CCDC93: variants seen among roughly 807,000 people sequenced by gnomAD.
CCDC93 encodes CCC complex scaffolding subunit CCDC93, also known as coiled-coil domain-containing protein 93.
A neutral mutation model predicts 108.2 loss-of-function variants in CCDC93; 61 were observed. The ratio of observed to expected loss-of-function variants is 0.56; its 90% CI spans 0.46 to 0.70. CCDC93 has a LOEUF of 0.70. Ranked by LOEUF, CCDC93 falls within the 30% of genes least tolerant of loss-of-function variation. The probability of loss-of-function intolerance (pLI) is 0.00; values close to 1 mark genes in which losing one functional copy is unlikely to be tolerated. For synonymous variants in CCDC93, 276 were observed against 260.4 expected (o/e 1.06, Z -0.58); for missense variants, 685 against 764.2 (o/e 0.90, Z 1.22).
rs534708957 is a variant in CCDC93 at position 117,952,246 on chromosome 2, G to A, written c.1068+127C>T. Reference sequence around the variant, plus strand: ...ACTGTCCTATGTCCTCAAAATGACTGCAGCCTCTGAGAACAGGATCGTGTC... The same window carrying A: ...ACTGTCCTATGTCCTCAAAATGACTACAGCCTCTGAGAACAGGATCGTGTC... On this transcript the variant is annotated intron_variant, in intron 13 of 23. Coordinates refer to ENST00000376300, the MANE Select transcript of CCDC93 (RefSeq NM_019044.5). The A allele has an allele frequency of 3.7e-5, 27 of 726,862 alleles. No individual in the cohort carries two copies. In the Admixed American group the frequency reaches 4.9e-4, roughly 13 times the overall value. 45.0% of individuals were successfully genotyped at this position (726,862 alleles called of 1,614,324 possible).
intron 3 of CCDC93, among the ~76,000 whole-genome samples, chr2:118,002,900 T>C (rs942602333): frequency 6.6e-5 from 10 of 152,164 alleles, no homozygotes; most frequent in African/African-American, 2.4e-4. Flanking sequence ...TAGCCAGGCA[T>C]AATGGTGCAT....
At position 117,995,513 on chromosome 2, in the gene CCDC93, A is replaced by G. The variant is rs1403541506; in HGVS notation, c.463-11T>C. On this transcript the variant is annotated splice_polypyrimidine_tract_variant and intron_variant, in intron 5 of 23. Coordinates refer to ENST00000376300, the MANE Select transcript of CCDC93 (RefSeq NM_019044.5). ...TATGAAGTCATCATCCTACAAGACA[A>G]AACAGAGCGATTAAACAAATCCCAA... 6.2e-7 allele frequency: 1 copy of G among 1,609,714 alleles called. No individual in the cohort carries two copies. Among genetic ancestry groups the G allele is most frequent in the Non-Finnish European group, 8.5e-7 (1 of 1,176,064 alleles).
intron 6 of CCDC93, 148 bp downstream of exon 6, chr2:117,995,298 G>A (rs541830016): frequency 1.0e-5 from 7 of 695,136 alleles, no homozygotes; most frequent in South Asian, 5.2e-5. Context: ...AGTAAAGCAG[G>A]CGGGGCTTCC....
intron 23 of CCDC93, among the ~76,000 whole-genome samples, chr2:117,929,757 C>A (rs985257886): frequency 6.6e-6 from 1 of 152,188 alleles, no homozygotes; most frequent in Non-Finnish European, 1.5e-5. Context: ...CTGTGCTAGC[C>A]TCAAAGGAGT....
chr2:117,942,385 T>C (rs1219277882), intron 18 of CCDC93, among the ~76,000 whole-genome samples: 1 of 152,164 alleles, frequency 6.6e-6, no homozygotes, highest in Admixed American at 6.5e-5. Context: ...AAGAGAAATG[T>C]ACTGAGAGCC....
At chr2:117,924,173 T>C (rs966067601) in intron 23 of CCDC93, among the ~76,000 whole-genome samples, 2 of 152,020 alleles carry the variant, frequency 1.3e-5, no homozygotes, top group Non-Finnish European at 2.9e-5. Context: ...ACCACAAAGA[T>C]GGGGAAAAAC....
At position 117,996,125 on chromosome 2, in the gene CCDC93, TATGTAAAGAAGCACTA is replaced by T. The variant is rs1464673416; in HGVS notation, c.462+123_462+138del. The T allele has an allele frequency of 5.6e-6, 3 of 531,360 alleles. No individual in the cohort carries two copies. The African/African-American group carries it at 5.7e-5, about 10-fold the overall frequency. The allele number at this position is 531,360 out of a possible 1,614,324, so 32.9% of individuals were successfully genotyped here. ...ATTATAGAGCTTTGCACTCAGTGGC[TATGTAAAGAAGCACTA>T]ATGATGCCAAGTGGGGCTGAGAATG... On this transcript the variant is annotated intron_variant, in intron 5 of 23. Coordinates refer to ENST00000376300, the MANE Select transcript of CCDC93 (RefSeq NM_019044.5).
At position 117,916,134 on chromosome 2, in the gene CCDC93, G is replaced by C. The variant is rs1481144843; in HGVS notation, c.*4209C>G. The C allele has an allele frequency of 6.6e-6, 1 of 152,074 alleles. No homozygotes were observed. Among genetic ancestry groups the C allele is most frequent in the African/African-American group, 2.4e-5 (1 of 41,394 alleles). 9.4% of individuals were successfully genotyped at this position (152,074 alleles called of 1,614,324 possible). A position where few individuals can be genotyped will look rare whatever the true frequency, so the allele number is the denominator to read the frequency against. On this transcript the variant is annotated 3_prime_UTR_variant, in exon 24 of 24. Coordinates refer to ENST00000376300, the MANE Select transcript of CCDC93 (RefSeq NM_019044.5). ...ACCGTCCAGCTGTCCCCCATGGAGT[G>C]CCTACATGTCACACTCCTGCCACCA...
chr2:117,952,353 A>T lies in CCDC93; in HGVS notation c.1068+20T>A, dbSNP rs759279836. 1.9e-6 allele frequency: 3 copies of T among 1,552,314 alleles called. No homozygotes were observed. In the Admixed American group the frequency reaches 5.0e-5, roughly 26 times the overall value. On this transcript the variant is annotated intron_variant, in intron 13 of 23. Coordinates refer to ENST00000376300, the MANE Select transcript of CCDC93 (RefSeq NM_019044.5). ...ATTCTTGACAAGGGCCCACAGAAGA[A>T]GGAGAATCTATCTGCTCACCTCTGT... is the stretch of plus-strand genomic sequence containing the variant.
intron 12 of CCDC93, among the ~76,000 whole-genome samples, chr2:117,953,260 A>C (rs947714054): frequency 1.3e-5 from 2 of 152,196 alleles, no homozygotes; most frequent in Non-Finnish European, 2.9e-5. Flanking sequence ...GCTTATTAAG[A>C]GTTATGTCAC....
At chr2:117,958,724 C>T (rs569425265) in intron 11 of CCDC93, among the ~76,000 whole-genome samples, 7 of 152,242 alleles carry the variant, frequency 4.6e-5, no homozygotes, top group Non-Finnish European at 1.0e-4. Flanking sequence ...AGTACAGGGA[C>T]ATAACTGTGG....
intron 11 of CCDC93, among the ~76,000 whole-genome samples, chr2:117,970,371 A>G (rs576217613): frequency 6.6e-6 from 1 of 152,340 alleles, no homozygotes; most frequent in East Asian, 1.9e-4. Context: ...AGAATTAAAC[A>G]TAATTAATAA....
chr2:117,945,545 G>A lies in CCDC93; in HGVS notation c.1334C>T (p.Ser445Phe), dbSNP rs774112868. 17 of 1,613,864 alleles carry A rather than the reference G, an allele frequency of 1.1e-5. No individual in the cohort carries two copies. The highest frequency in any genetic ancestry group is 1.4e-5 in the Non-Finnish European group (17 of 1,179,904). ...SSGEPPGTLTSAMTHDEDLDR... is the reference protein window; with the variant it reads ...SSGEPPGTLTFAMTHDEDLDR... Reference sequence around the variant, plus strand: ...GGTACTTACGTCATGAGTCATTGCAGAGGTCAAGGTACCAGGCGGCTCTCC... The same window carrying A: ...GGTACTTACGTCATGAGTCATTGCAAAGGTCAAGGTACCAGGCGGCTCTCC... Residue 445 changes from serine to phenylalanine, a missense_variant, in exon 17 of 24, where the codon TCT becomes TTT. Ser to Phe is a radical substitution (Grantham distance 155). Coordinates refer to ENST00000376300, the MANE Select transcript of CCDC93 (RefSeq NM_019044.5).
chr2:118,004,241 G>C (rs1325909752), intron 3 of CCDC93, among the ~76,000 whole-genome samples: 1 of 152,180 alleles, frequency 6.6e-6, no homozygotes, highest in Non-Finnish European at 1.5e-5. Flanking sequence ...CAAGTGCTTG[G>C]AACACAGATG....
At chr2:117,985,146 C>CAAAA (rs11299175) in intron 7 of CCDC93, among the ~76,000 whole-genome samples, 4 of 141,066 alleles carry the variant, frequency 2.8e-5, no homozygotes, top group East Asian at 2.1e-4. Flanking sequence ...CAAAACAAAA[C>CAAAA]AAAAAAAAAA....
chr2:117,977,337 C>T (rs928953726), intron 8 of CCDC93, among the ~76,000 whole-genome samples: 3 of 152,130 alleles, frequency 2.0e-5, no homozygotes, highest in Non-Finnish European at 4.4e-5. Context: ...CCTCTCTGAG[C>T]GTTAGCTTTC....
chr2:117,944,927 A>T, intron 17 of CCDC93: 1 of 408,606 alleles, frequency 2.4e-6, no homozygotes, highest in Non-Finnish European at 5.0e-6. Flanking sequence ...GAATGCGGAG[A>T]GCACTGGTTT....
chr2:117,996,416 T>G, intron 4 of CCDC93, 54 bp from the exon 5 acceptor site: 1 of 1,249,194 alleles, frequency 8.0e-7, no homozygotes. Flanking sequence ...CCCACTGAAG[T>G]GAAGGCCAGT....
chr2:117,949,758 C>A (rs1008024654), intron 13 of CCDC93: 1 of 984,894 alleles, frequency 1.0e-6, no homozygotes, highest in Non-Finnish European at 1.2e-6. Flanking sequence ...AAATAGTAGA[C>A]TAAGCACAAC....
Sources: gnomAD v4.1 joint callset for allele counts (sites outside exome capture counted in the v4.1 genomes callset) on GRCh38, gnomAD v4.1.1 for gene constraint, MANE v1.5 for transcripts, NCBI Gene and HGNC (gene_info 2026-07-23, HGNC 2026-07-21) for gene names.